Variants in RBFOX1 observed in about 807,000 individuals in gnomAD.
RBFOX1 encodes the protein RNA binding fox-1 homolog 1.
Under a neutral mutation model 57.7 loss-of-function variants are expected in RBFOX1, and 8 were observed. That is an observed-to-expected ratio of 0.14 (90% CI 0.08 to 0.25). The LOEUF is 0.25. Among genes scored for constraint, RBFOX1 ranks in the 10% least tolerant of loss-of-function variants. RBFOX1 has a pLI of 1.00. For synonymous variants in RBFOX1, 326 were observed against 222.4 expected, an observed-to-expected ratio of 1.47 and a Z score of -4.15; for missense variants, 611 against 548.5, an observed-to-expected ratio of 1.11 and a Z score of -1.14.
At chr16:5,539,598 C>T (rs1274632461) in intron 2 of RBFOX1, among the ~76,000 whole-genome samples, 1 of 151,578 alleles carries the variant, frequency 6.6e-6, no homozygotes, top group Non-Finnish European at 1.5e-5. Context: ...GAGACTCTCT[C>T]TCAAAAAAAA....
intron 3 of RBFOX1, among the ~76,000 whole-genome samples, chr16:6,756,830 C>T (rs934062831): frequency 7.2e-5 from 11 of 151,908 alleles, no homozygotes; most frequent in Non-Finnish European, 1.0e-4. Flanking sequence ...CAAAAATTAG[C>T]CAGGCGTGGT....
chr16:7,355,651 A>G (rs935735840), intron 4 of RBFOX1, among the ~76,000 whole-genome samples: 4 of 152,170 alleles, frequency 2.6e-5, no homozygotes, highest in African/African-American at 9.7e-5. Context: ...ATCATTCTAT[A>G]TTGTGACGGC....
chr16:6,426,093 T>C (rs983181659), intron 2 of RBFOX1, among the ~76,000 whole-genome samples: 1 of 151,776 alleles, frequency 6.6e-6, no homozygotes, highest in African/African-American at 2.4e-5. Flanking sequence ...TCCCTCTCTC[T>C]CTCTCTCTCT....
intron 3 of RBFOX1, among the ~76,000 whole-genome samples, chr16:5,802,193 C>T (rs1233108812): frequency 2.0e-5 from 3 of 152,106 alleles, no homozygotes; most frequent in Admixed American, 6.5e-5. Flanking sequence ...CCAAACTTTG[C>T]GCTTTAAGCT....
intron 1 of RBFOX1, among the ~76,000 whole-genome samples, chr16:5,264,405 G>A (rs1175373122): frequency 6.6e-6 from 1 of 152,160 alleles, no homozygotes; most frequent in African/African-American, 2.4e-5. Flanking sequence ...GATGAGAGCA[G>A]TGGTCCCCAA....
chr16:7,222,381 T>C (rs2092795090), intron 4 of RBFOX1, among the ~76,000 whole-genome samples: 1 of 152,238 alleles, frequency 6.6e-6, no homozygotes, highest in African/African-American at 2.4e-5. Flanking sequence ...AATACATTCC[T>C]CAGCAACTAG....
intron 3 of RBFOX1, among the ~76,000 whole-genome samples, chr16:6,993,217 A>C (rs2091782288): frequency 6.6e-6 from 1 of 152,172 alleles, no homozygotes; most frequent in South Asian, 2.1e-4. Context: ...ATAGCTGTGC[A>C]ATGACTTGTT....
intron 3 of RBFOX1, among the ~76,000 whole-genome samples, chr16:6,765,840 G>A (rs559159012): frequency 1.1e-4 from 16 of 152,280 alleles, no homozygotes; most frequent in African/African-American, 3.4e-4. Context: ...CAGCAACTTG[G>A]ATGAAACTGG....
chr16:7,085,695 C>A (rs755334172), intron 4 of RBFOX1, among the ~76,000 whole-genome samples: 1 of 152,174 alleles, frequency 6.6e-6, no homozygotes, highest in African/African-American at 2.4e-5. Flanking sequence ...TTGTGGGGAT[C>A]ATGTCCGGAG....
intron 3 of RBFOX1, among the ~76,000 whole-genome samples, chr16:6,914,883 C>G (rs189903280): frequency 6.6e-6 from 1 of 152,178 alleles, no homozygotes; most frequent in Non-Finnish European, 1.5e-5. Context: ...GCAAGACCCT[C>G]TCAAAAACAA....
intron 1 of RBFOX1, among the ~76,000 whole-genome samples, chr16:5,326,646 C>A (rs1160431361): frequency 3.3e-5 from 5 of 152,156 alleles, no homozygotes; most frequent in Non-Finnish European, 7.3e-5. Context: ...CATCCAAGAT[C>A]TGTAGGCATC....
At position 6,019,829 on chromosome 16, in the gene RBFOX1, G is replaced by T. The variant is rs568293837; in HGVS notation, c.-290G>T. The T allele has an allele frequency of 1.5e-4, 224 of 1,521,734 alleles. 1 individual carries two copies. In the South Asian group the frequency reaches 2.1e-3, roughly 14 times the overall value. 94.3% of individuals were successfully genotyped at this position (1,521,734 alleles called of 1,614,324 possible). On this transcript the variant is annotated 5_prime_UTR_variant, in exon 1 of 16. Coordinates refer to ENST00000550418, the MANE Select transcript of RBFOX1 (RefSeq NM_018723.4). This position sits in a 1 kb window ranked among gnomAD's most constrained non-coding sequence, Gnocchi z 4.2. ...GCGCCCAGGCAGGCGCGCCAGGGCG[G>T]GGCTGACCTGCCCGCGAAGTTGCGG...
chr16:7,525,425 C>G (rs7198117), intron 5 of RBFOX1, among the ~76,000 whole-genome samples: 142,947 of 152,196 alleles, frequency 0.94, 67,437 homozygotes, highest in Middle Eastern at 0.98. Context: ...AAAGATTGCT[C>G]TCCATCTCTG....
chr16:5,504,503 C>G (rs1597332698), intron 2 of RBFOX1, among the ~76,000 whole-genome samples: 1 of 152,376 alleles, frequency 6.6e-6, no homozygotes, highest in South Asian at 2.1e-4. Context: ...CACGCACGAT[C>G]ATAAAAATGC....
chr16:7,518,250 C>G lies in RBFOX1; in HGVS notation c.131C>G (p.Pro44Arg), dbSNP rs893574679. The G allele has an allele frequency of 3.7e-6, 6 of 1,614,054 alleles. No individual in the cohort carries two copies. The highest frequency in any genetic ancestry group is 1.7e-5 in the Admixed American group (1 of 60,002). ...GGTATCCCCGCGGAATACACGGCCC[C>G]TCATCCCCACCCCGCGCCAGAGTAC... ...QNGIPAEYTA[P>R]HPHPAPEYTG... The change falls in exon 5 of 16, where the codon CCT (proline) becomes CGT (arginine). Residue 44 changes from proline (P) to arginine (R), a missense_variant. This residue lies in a region of RBFOX1 where 245 missense variants were observed against 159.1 expected (regional missense o/e 1.54). Transcript: ENST00000550418.
chr16:7,153,346 C>A (rs889057430), intron 4 of RBFOX1, among the ~76,000 whole-genome samples: 1 of 152,048 alleles, frequency 6.6e-6, no homozygotes, highest in East Asian at 1.9e-4. Flanking sequence ...ACTCTGTGGC[C>A]AAACTATAAA....
chr16:5,467,381 G>C, intron 2 of RBFOX1: 1 of 870,370 alleles, frequency 1.1e-6, no homozygotes, highest in East Asian at 2.7e-5. Flanking sequence ...ATCAACCACA[G>C]CACAGTTCAT....
chr16:6,765,932 A>G (rs766454222), intron 3 of RBFOX1, among the ~76,000 whole-genome samples: 3 of 152,168 alleles, frequency 2.0e-5, no homozygotes, highest in Non-Finnish European at 4.4e-5. Context: ...CTAAGGTATG[A>G]GGATGCAAAG....
intron 3 of RBFOX1, among the ~76,000 whole-genome samples, chr16:6,896,849 A>T (rs1027359936): frequency 8.5e-5 from 13 of 152,220 alleles, no homozygotes; most frequent in Non-Finnish European, 1.6e-4. Flanking sequence ...CAGGTAATAT[A>T]AAAATCAGTG....
Sources: allele counts gnomAD v4.1 joint callset (sites outside exome capture counted in the v4.1 genomes callset), GRCh38; gene constraint gnomAD v4.1.1; regional missense constraint gnomAD v4.1.1; non-coding constraint Gnocchi (gnomAD v3.1); transcripts MANE v1.5; gene names NCBI Gene and HGNC (gene_info 2026-07-23, HGNC 2026-07-21).